The following ZNF778 variants were observed in gnomAD, a reference collection of about 807,000 sequenced individuals.
The protein encoded by ZNF778 is zinc finger protein 778.
A neutral mutation model predicts 23.9 loss-of-function variants in ZNF778; 37 were observed. That is an observed-to-expected ratio of 1.54 (90% CI 1.19 to 2.03). The LOEUF is 2.03. ZNF778 is among the 30% of genes most tolerant of loss of function. The pLI is 0.00. For synonymous variants in ZNF778, 483 were observed against 343.9 expected (o/e 1.40, Z -4.48); for missense variants, 1,297 against 934.4 (o/e 1.39, Z -5.06).
In ZNF778 at chr16:89,229,444, A is replaced by C. The variant is rs951077619; in HGVS notation, c.*882A>C. 1.0e-6 allele frequency: 1 copy of C among 973,622 alleles called. No homozygotes were observed. Among genetic ancestry groups the C allele is most frequent in the Non-Finnish European group, 1.2e-6 (1 of 826,056 alleles). 60.3% of individuals were successfully genotyped at this position (973,622 alleles called of 1,614,324 possible). On this transcript the variant is annotated 3_prime_UTR_variant, in exon 7 of 7. Coordinates refer to ENST00000433976, the MANE Select transcript of ZNF778 (RefSeq NM_001201407.2). Reference sequence around the variant, plus strand: ...TGTAGGCTCTGGTTGGTTAGTCTTGAGGATGCAGATGTGATTCTGTGTGAG... The same window carrying C: ...TGTAGGCTCTGGTTGGTTAGTCTTGCGGATGCAGATGTGATTCTGTGTGAG...
rs565377719 is a variant in ZNF778, at chr16:89,225,691, C to G, written c.405+60C>G. On this transcript the variant is annotated intron_variant, in intron 6 of 6. Coordinates refer to ENST00000433976, the MANE Select transcript of ZNF778 (RefSeq NM_001201407.2). ...CACTCATAAAAGATTGGGAATTCCA[C>G]TATAGAAAATGAGCAAAATTGAGAG... The G allele has an allele frequency of 1.9e-5, 28 of 1,477,264 alleles. 1 individual carries two copies. The South Asian group carries it at 2.8e-4, about 15-fold the overall frequency. 91.5% of individuals were successfully genotyped at this position (1,477,264 alleles called of 1,614,324 possible). A position where few individuals can be genotyped will look rare whatever the true frequency, so the allele number is the denominator to read the frequency against.
chr16:89,221,410 A>G (rs540600644), intron 2 of ZNF778, among the ~76,000 whole-genome samples: 7 of 152,312 alleles, frequency 4.6e-5, no homozygotes, highest in African/African-American at 1.7e-4. Flanking sequence ...ACCGTTCCAT[A>G]TCTGCAATAG....
chr16:89,227,811 A>G lies in ZNF778; in HGVS notation c.1523A>G (p.Lys508Arg). ...ACCGGAGAGAAACCCTACGAATGTA[A>G]GCAGTGTGGCAAAGCCTTCACAGGG... ...IHTGEKPYEC[K>R]QCGKAFTGRS... The change falls in exon 7 of 7, where the codon AAG becomes AGG. Residue 508 changes from lysine (K) to arginine (R), a missense_variant. Coordinates refer to ENST00000433976, the MANE Select transcript of ZNF778 (RefSeq NM_001201407.2). 3 of 1,614,120 alleles carry G rather than the reference A, an allele frequency of 1.9e-6. No individual in the cohort carries two copies. The highest frequency in any genetic ancestry group is 2.5e-6 in the Non-Finnish European group (3 of 1,179,984).
In ZNF778 at chr16:89,227,010, A is replaced by G. The variant is rs1447373726; in HGVS notation, c.722A>G (p.Gln241Arg). The G allele has an allele frequency of 9.9e-6, 16 of 1,613,844 alleles. No individual in the cohort carries two copies. Among genetic ancestry groups the G allele is most frequent in the Non-Finnish European group, 1.4e-5 (16 of 1,179,894 alleles). Residue 241 changes from glutamine to arginine, a missense_variant, in exon 7 of 7, where the codon CAG (glutamine) becomes CGG (arginine). Gln to Arg is a conservative substitution (Grantham distance 43). Transcript: ENST00000433976. ...GTGTTCCTTAATCAGTCATACCTTCAGGCACGTGCGGGAAGTCACAACGGA... is the reference window on the plus strand; with the variant it reads ...GTGTTCCTTAATCAGTCATACCTTCGGGCACGTGCGGGAAGTCACAACGGA... ...GEVFLNQSYL[Q>R]ARAGSHNGEE...
In ZNF778 at chr16:89,231,555, A is replaced by G. The variant is rs949732110; in HGVS notation, c.*2993A>G. 5 of 152,076 alleles carry G rather than the reference A, an allele frequency of 3.3e-5. No individual in the cohort carries two copies. The highest frequency in any genetic ancestry group is 1.2e-4 in the African/African-American group (5 of 41,388). The allele number at this position is 152,076 out of a possible 1,614,324, so 9.4% of individuals were successfully genotyped here. ...ACCTCCTCAGCAGCGATGCCCATGGACTGGGGTTCCTAAGGCACAAATTTG... is the reference window on the plus strand; with the variant it reads ...ACCTCCTCAGCAGCGATGCCCATGGGCTGGGGTTCCTAAGGCACAAATTTG... On this transcript the variant is annotated 3_prime_UTR_variant, in exon 7 of 7. Transcript: ENST00000433976.
rs11464538 is a variant in ZNF778 at position 89,225,537 on chromosome 16, A to ATT, written c.329-17_329-16dup. 4.5e-3 allele frequency: 6,466 copies of ATT among 1,428,052 alleles called. 2 individuals are homozygous for ATT. Among genetic ancestry groups the ATT allele is most frequent in the East Asian group, 5.3e-3 (209 of 39,348 alleles). 88.5% of individuals were successfully genotyped at this position (1,428,052 alleles called of 1,614,324 possible). On this transcript the variant is annotated splice_polypyrimidine_tract_variant and intron_variant, in intron 5 of 6. Coordinates refer to ENST00000433976, the MANE Select transcript of ZNF778 (RefSeq NM_001201407.2). ...CAATGAGTTTGATCGTTTTTAGGTC[A>ATT]TTCTTCTTTCTTTTCAGAATGGCGA... is the stretch of plus-strand genomic sequence containing the variant.
chr16:89,224,724 C>A lies in ZNF778; in HGVS notation c.250C>A (p.His84Asn). The stretch of plus-strand genomic sequence containing the variant: ...GTCTCTTTCCCTGTGTACAGGACAT[C>A]ACCTGTTCCAACCCAGTGTGATCTA... ...NYENLASVGH[H>N]LFQPSVIYWL... is the part of the protein sequence containing the mutation. The change falls in exon 5 of 7, where the codon CAC (histidine) becomes AAC (asparagine). Residue 84 changes from histidine to asparagine, a missense_variant. Transcript: ENST00000433976. The A allele has an allele frequency of 6.5e-7, 1 of 1,535,318 alleles. No homozygotes were observed. The highest frequency in any genetic ancestry group is 8.7e-7 in the Non-Finnish European group (1 of 1,146,322).
Position 89,221,094 on chromosome 16 carries a change from A to C in ZNF778, c.-34A>C. On this transcript the variant is annotated 5_prime_UTR_variant, in exon 2 of 7. Transcript: ENST00000433976. ...CCTGCAGTGGCCTTGGCTTCAGGAA[A>C]GGAGCATTCAGACGCTTCCGTCAGC... The C allele has an allele frequency of 2.6e-5, 40 of 1,562,006 alleles. No individual in the cohort carries two copies. The highest frequency in any genetic ancestry group is 3.5e-5 in the Non-Finnish European group (40 of 1,152,724).
Position 89,233,088 on chromosome 16 carries a change from C to G in ZNF778, c.*4526C>G, listed in dbSNP as rs71372798. 8.2e-6 allele frequency: 4 copies of G among 486,048 alleles called. No homozygotes were observed. The highest frequency in any genetic ancestry group is 3.5e-5 in the South Asian group (2 of 56,878). 30.1% of individuals were successfully genotyped at this position (486,048 alleles called of 1,614,324 possible). On this transcript the variant is annotated 3_prime_UTR_variant, in exon 7 of 7. Transcript: ENST00000433976. ...AACTCAGCTCGCACTGCGTATGCAA[C>G]TCAGCTCGCACTGCGTATGCAAGTC...
chr16:89,233,681 A>G lies in ZNF778; in HGVS notation c.*5119A>G, dbSNP rs1333120549. On this transcript the variant is annotated 3_prime_UTR_variant, in exon 7 of 7. Transcript: ENST00000433976. ...CAATTCAACTCGCACTGCGTATGCA[A>G]ATCAACTTACTGCATATGCAACTCA... 1.6e-6 allele frequency: 2 copies of G among 1,283,812 alleles called. No individual in the cohort carries two copies. The highest frequency in any genetic ancestry group is 1.1e-4 in the East Asian group (2 of 17,922). The allele number at this position is 1,283,812 out of a possible 1,614,324, so 79.5% of individuals were successfully genotyped here.
rs376907561 is a variant in ZNF778 at position 89,222,180 on chromosome 16, C to T, written c.114C>T (p.Tyr38=). The part of the protein sequence containing the change: ...GMVAGWLINC[Y]QDAVTFDDVA... ...TGGCTGGCTGGCTGATAAATTGTTA[C>T]CAGGTATGCCAAAACTGTATTTTTT... Residue 38 remains tyrosine, a synonymous_variant, in exon 3 of 7, where the codon TAC becomes TAT. Coordinates refer to ENST00000433976, the MANE Select transcript of ZNF778 (RefSeq NM_001201407.2). 6.3e-7 allele frequency: 1 copy of T among 1,599,072 alleles called. No individual in the cohort carries two copies. Among genetic ancestry groups the T allele is most frequent in the Middle Eastern group, 1.7e-4 (1 of 5,992 alleles).
In ZNF778 at chr16:89,228,431, C is replaced by A; in HGVS notation, c.2143C>A (p.Leu715Ile). ...ECGKAYNRFY[L>I]LKEHLKTYTE... Reference sequence around the variant, plus strand: ...TGGGAAAGCATACAATAGGTTTTATCTACTAAAAGAACATTTAAAAACTTA... The same window carrying A: ...TGGGAAAGCATACAATAGGTTTTATATACTAAAAGAACATTTAAAAACTTA... The change falls in exon 7 of 7, where the codon CTA (leucine) becomes ATA (isoleucine). Residue 715 changes from leucine (L) to isoleucine (I), a missense_variant. Transcript: ENST00000433976. 3.1e-6 allele frequency: 5 copies of A among 1,613,910 alleles called. No individual in the cohort carries two copies. Among genetic ancestry groups the A allele is most frequent in the Non-Finnish European group, 4.2e-6 (5 of 1,179,858 alleles).
chr16:89,222,589 G>A (rs1166998830), intron 3 of ZNF778, among the ~76,000 whole-genome samples: 2 of 152,176 alleles, frequency 1.3e-5, no homozygotes, highest in Non-Finnish European at 2.9e-5. Flanking sequence ...GTCTTGAACT[G>A]CTGATCTCAA....
Position 89,217,881 on chromosome 16 carries a change from C to G in ZNF778, c.-161C>G, listed in dbSNP as rs2030498096. 1 of 152,316 alleles carries G rather than the reference C, an allele frequency of 6.6e-6. No homozygotes were observed. The highest frequency in any genetic ancestry group is 2.4e-5 in the African/African-American group (1 of 41,470). 9.4% of individuals were successfully genotyped at this position (152,316 alleles called of 1,614,324 possible). Reference sequence around the variant, plus strand: ...GAAAGTCGCCGCCGCTCGCGGTAGACCCGGGCAGCGCTTCCATTCCGCGGA... The same window carrying G: ...GAAAGTCGCCGCCGCTCGCGGTAGAGCCGGGCAGCGCTTCCATTCCGCGGA... On this transcript the variant is annotated 5_prime_UTR_variant, in exon 1 of 7. Transcript: ENST00000433976.
At position 89,227,201 on chromosome 16, in the gene ZNF778, G is replaced by A. The variant is rs1237342816; in HGVS notation, c.913G>A (p.Gly305Arg). Residue 305 changes from glycine to arginine, a missense_variant, in exon 7 of 7, where the codon GGG becomes AGG. By Grantham distance (125) the Gly-to-Arg change is moderately radical. Coordinates refer to ENST00000433976, the MANE Select transcript of ZNF778 (RefSeq NM_001201407.2). ...TACTGGTCGCGTGCAAGTCCACCCT[G>A]GGGAAAAGCCCTGTGAATTGGAAGA... ...YLTGRVQVHP[G>R]EKPCELEECG... 1.2e-6 allele frequency: 2 copies of A among 1,613,934 alleles called. No individual in the cohort carries two copies. The highest frequency in any genetic ancestry group is 1.6e-4 in the Middle Eastern group (1 of 6,062).
At chr16:89,222,303 G>T (rs556535861) in intron 3 of ZNF778, 120 bp downstream of exon 3, 1 of 585,686 alleles carries the variant, frequency 1.7e-6, no homozygotes. Context: ...CTAGTTGAAC[G>T]CCTCCAGGGA....
Position 89,233,702 on chromosome 16 carries a change from A to T in ZNF778, c.*5140A>T. On this transcript the variant is annotated 3_prime_UTR_variant, in exon 7 of 7. Coordinates refer to ENST00000433976, the MANE Select transcript of ZNF778 (RefSeq NM_001201407.2). The stretch of plus-strand genomic sequence containing the variant: ...TGCAAATCAACTTACTGCATATGCA[A>T]CTCAACTCACTGCGTATGCAACTCA... The T allele has an allele frequency of 1.6e-6, 2 of 1,241,190 alleles. No individual in the cohort carries two copies. Among genetic ancestry groups the T allele is most frequent in the Non-Finnish European group, 2.1e-6 (2 of 960,256 alleles). The allele number at this position is 1,241,190 out of a possible 1,614,324, so 76.9% of individuals were successfully genotyped here.
intron 4 of ZNF778, among the ~76,000 whole-genome samples, chr16:89,223,791 A>G (rs1425566347): frequency 6.6e-6 from 1 of 152,136 alleles, no homozygotes; most frequent in Non-Finnish European, 1.5e-5. Context: ...CCCTTTTGAA[A>G]CAATTTCACT....
At position 89,230,163 on chromosome 16, in the gene ZNF778, C is replaced by T. The variant is rs2031839515; in HGVS notation, c.*1601C>T. On this transcript the variant is annotated 3_prime_UTR_variant, in exon 7 of 7. Transcript: ENST00000433976. ...CAGCTCTACATTTTATGAAAATGCC[C>T]TTGTTCCTCTCCCATACCTGATCCC... 10 of 560,394 alleles carry T rather than the reference C, an allele frequency of 1.8e-5. No homozygotes were observed. In the South Asian group the frequency reaches 5.6e-4, roughly 31 times the overall value. The allele number at this position is 560,394 out of a possible 1,614,324, so 34.7% of individuals were successfully genotyped here. A position where few individuals can be genotyped will look rare whatever the true frequency, so the allele number is the denominator to read the frequency against.
Sources: allele counts gnomAD v4.1 joint callset (sites outside exome capture counted in the v4.1 genomes callset), GRCh38; gene constraint gnomAD v4.1.1; transcripts MANE v1.5; gene names NCBI Gene and HGNC (gene_info 2026-07-23, HGNC 2026-07-21).